The following TEX15 variants were observed in gnomAD, a reference collection of about 807,000 sequenced individuals.
TEX15 encodes testis-expressed protein 15.
Under a neutral mutation model 237.3 loss-of-function variants are expected in TEX15, and 171 were observed. That is an observed-to-expected ratio of 0.72 (90% CI 0.64 to 0.82). The LOEUF (loss-of-function observed/expected upper bound fraction) is 0.82, where lower values mean the gene tolerates loss of function less well. TEX15 is among the 40% of genes least tolerant of loss of function. The pLI is 0.00. For synonymous variants in TEX15, 1,338 were observed against 1,269.8 expected, an observed-to-expected ratio of 1.05 and a Z score of -1.14; for missense variants, 3,750 against 3,646.5, an observed-to-expected ratio of 1.03 and a Z score of -0.73.
At chr8:30,860,560 C>A (rs1047023952) in intron 5 of TEX15, among the ~76,000 whole-genome samples, 3 of 145,882 alleles carry the variant, frequency 2.1e-5, no homozygotes, top group Admixed American at 6.9e-5. Context: ...TTCAGAGAAT[C>A]TACTTTTTTT....
intron 10 of TEX15, among the ~76,000 whole-genome samples, chr8:30,834,181 T>A (rs1370731854): frequency 1.3e-5 from 2 of 152,200 alleles, no homozygotes; most frequent in Non-Finnish European, 2.9e-5. Context: ...TCCCCTTTTA[T>A]TATTTTTTTG....
At chr8:30,860,563 C>CTTT (rs35815726) in intron 5 of TEX15, among the ~76,000 whole-genome samples, 8 of 127,042 alleles carry the variant, frequency 6.3e-5, no homozygotes, top group Non-Finnish European at 8.4e-5. Flanking sequence ...AGAGAATCTA[C>CTTT]TTTTTTTTTT....
chr8:30,909,852 A>T (rs1809182631), intron 1 of TEX15, among the ~76,000 whole-genome samples: 1 of 152,184 alleles, frequency 6.6e-6, no homozygotes, highest in Non-Finnish European at 1.5e-5. Context: ...TTCACCTTTG[A>T]TATCACATTT....
At chr8:30,861,353 T>C (rs1808047559) in intron 5 of TEX15, among the ~76,000 whole-genome samples, 1 of 152,158 alleles carries the variant, frequency 6.6e-6, no homozygotes, top group Non-Finnish European at 1.5e-5. Context: ...CTTCACAACA[T>C]AATATTCTAA....
rs770827270 is a variant in TEX15, at chr8:30,847,449, AT to A, written c.2717del (p.Asn906IlefsTer5). 6.2e-7 allele frequency: 1 copy of A among 1,611,098 alleles called. No homozygotes were observed. The highest frequency in any genetic ancestry group is 1.7e-5 in the Admixed American group (1 of 59,466). On this transcript the variant is annotated frameshift_variant, in exon 8 of 11. Transcript: ENST00000643185. LOFTEE classifies it high-confidence loss of function. The part of the protein sequence containing the change: ...FSNIDEKEDK[N>X]YHNIEILSSE... The stretch of plus-strand genomic sequence containing the variant: ...AACTCAAAATTTCTATATTGTGGTA[AT>A]TTTTGTCCTCCTTTTCATCTATATT...
Position 30,847,599 on chromosome 8 carries a change from T to C in TEX15, c.2568A>G (p.Lys856=). 6.2e-7 allele frequency: 1 copy of C among 1,612,978 alleles called. No individual in the cohort carries two copies. The highest frequency in any genetic ancestry group is 8.5e-7 in the Non-Finnish European group (1 of 1,179,786). ...TTTGGTTTTCTCTATCTGTTTGTTT[T>C]TTGAAATTAACATTCAGCCATATAT... ...SNDIWLNVNF[K]KQTDRENQNE... is the part of the protein sequence containing the mutation. The change falls in exon 8 of 11, where the codon AAA becomes AAG. Residue 856 remains lysine (K), a synonymous_variant. Transcript: ENST00000643185.
chr8:30,870,102 T>C (rs1021268913), intron 4 of TEX15, among the ~76,000 whole-genome samples: 15 of 151,892 alleles, frequency 9.9e-5, no homozygotes, highest in African/African-American at 2.9e-4. Context: ...GTCTTAGAAT[T>C]TGTAGTTATA....
chr8:30,842,888 C>A lies in TEX15; in HGVS notation c.7279G>T (p.Val2427Leu), dbSNP rs763998560. Residue 2427 changes from valine (V) to leucine (L), a missense_variant, in exon 8 of 11, where the codon GTG becomes TTG. Transcript: ENST00000643185. ...FITEENVLDV[V>L]INHSHEAIIL... ...ATAGCCTCATGGCTGTGGTTTATCA[C>A]CACGTCTAAAACATTTTCTTCTGTG... The A allele has an allele frequency of 3.1e-6, 5 of 1,609,604 alleles. No individual in the cohort carries two copies. The highest frequency in any genetic ancestry group is 3.4e-6 in the Non-Finnish European group (4 of 1,177,274).
Position 30,845,293 on chromosome 8 carries a change from T to C in TEX15, c.4874A>G (p.Glu1625Gly). The change falls in exon 8 of 11, where the codon GAA becomes GGA. Residue 1625 changes from glutamate (E) to glycine (G), a missense_variant. Glu to Gly is a moderately conservative substitution (Grantham distance 98). Transcript: ENST00000643185. ...SNSVSLSCIKENINSSTGNDC... is the reference protein window; with the variant it reads ...SNSVSLSCIKGNINSSTGNDC... ...GTTGCCTGTACTAGAATTTATGTTT[T>C]CTTTTATGCAACTTAAAGATACAGA... is the stretch of plus-strand genomic sequence containing the variant. 1 of 1,613,094 alleles carries C rather than the reference T, an allele frequency of 6.2e-7. No individual in the cohort carries two copies.
At chr8:30,866,464 T>C (rs1481539771) in intron 5 of TEX15, among the ~76,000 whole-genome samples, 1 of 152,076 alleles carries the variant, frequency 6.6e-6, no homozygotes, top group Non-Finnish European at 1.5e-5. Flanking sequence ...TACAGAAAAC[T>C]ATATTGTCAT....
At chr8:30,908,815 CA>C (rs1483293675) in intron 1 of TEX15, among the ~76,000 whole-genome samples, 1 of 152,182 alleles carries the variant, frequency 6.6e-6, no homozygotes, top group East Asian at 1.9e-4. Flanking sequence ...TTTTCTTCAA[CA>C]AAAATTAACA....
At chr8:30,853,758 T>C (rs1807839769) in intron 7 of TEX15, among the ~76,000 whole-genome samples, 1 of 152,126 alleles carries the variant, frequency 6.6e-6, no homozygotes, top group African/African-American at 2.4e-5. Context: ...AAAGACTATA[T>C]GCTAGGTTAT....
chr8:30,842,357 T>G lies in TEX15; in HGVS notation c.7810A>C (p.Lys2604Gln), dbSNP rs761708419. The G allele has an allele frequency of 2.7e-5, 44 of 1,613,760 alleles. No homozygotes were observed. The highest frequency in any genetic ancestry group is 3.5e-5 in the Non-Finnish European group (41 of 1,179,866). The change falls in exon 8 of 11, where the codon AAA becomes CAA. Residue 2604 changes from lysine to glutamine, a missense_variant. Lys to Gln is a moderately conservative substitution (Grantham distance 53). Coordinates refer to ENST00000643185, the MANE Select transcript of TEX15 (RefSeq NM_001350162.2). ...LLKNVMSAPR[K>Q]DLGKMAHIRK... ...ATGTGGGCCATTTTTCCTAAATCTT[T>G]CCTAGGGGCAGACATTACATTCTTC...
At chr8:30,841,812 T>A (rs952018705) in intron 8 of TEX15, among the ~76,000 whole-genome samples, 192 bp downstream of exon 8, 3 of 152,250 alleles carry the variant, frequency 2.0e-5, no homozygotes, top group African/African-American at 7.2e-5. Flanking sequence ...AGGTATCACC[T>A]ATACATATAA....
chr8:30,846,415 T>C lies in TEX15; in HGVS notation c.3752A>G (p.His1251Arg). The C allele has an allele frequency of 6.2e-7, 1 of 1,613,484 alleles. No homozygotes were observed. Among genetic ancestry groups the C allele is most frequent in the South Asian group, 1.1e-5 (1 of 91,044 alleles). ...TTCACTGTTCTGATTTTCAGACGTA[T>C]GATTCACATCTGTATTACGACTCAA... is the stretch of plus-strand genomic sequence containing the variant. ...FDLSRNTDVNHTSENQNSESL... is the reference protein window; with the variant it reads ...FDLSRNTDVNRTSENQNSESL... The change falls in exon 8 of 11, where the codon CAT (histidine) becomes CGT (arginine). Residue 1251 changes from histidine (H) to arginine (R), a missense_variant. Coordinates refer to ENST00000643185, the MANE Select transcript of TEX15 (RefSeq NM_001350162.2).
intron 5 of TEX15, among the ~76,000 whole-genome samples, chr8:30,864,620 A>G (rs1167072378): frequency 4.6e-5 from 4 of 87,804 alleles, no homozygotes; most frequent in East Asian, 4.4e-4. Context: ...CCAGACCAGA[A>G]AAAAAAAAAA....
intron 1 of TEX15, 95 bp from the exon 2 acceptor site, chr8:30,898,912 T>A (rs760430442): frequency 6.6e-6 from 1 of 152,184 alleles, no homozygotes; most frequent in African/African-American, 2.4e-5. Context: ...TCTCTATTCA[T>A]TTTTTTCCTC....
chr8:30,880,695 T>C (rs1451369447), intron 3 of TEX15, among the ~76,000 whole-genome samples: 2 of 152,192 alleles, frequency 1.3e-5, no homozygotes, highest in Admixed American at 6.5e-5. Flanking sequence ...CAACTGTTCA[T>C]GTTATCAGTA....
chr8:30,883,540 G>A (rs1442077374), intron 3 of TEX15, among the ~76,000 whole-genome samples: 1 of 151,902 alleles, frequency 6.6e-6, no homozygotes, highest in Non-Finnish European at 1.5e-5. Context: ...AGTGTGTGTT[G>A]TTTCCCTCCC....
Sources: gnomAD v4.1 joint callset for allele counts (sites outside exome capture counted in the v4.1 genomes callset) on GRCh38, gnomAD v4.1.1 for gene constraint, MANE v1.5 for transcripts, NCBI Gene and HGNC (gene_info 2026-07-23, HGNC 2026-07-21) for gene names.